Variants in ARID1B observed in about 807,000 individuals in gnomAD.
ARID1B encodes the protein AT-rich interactive domain-containing protein 1B.
A neutral mutation model predicts 212.3 loss-of-function variants in ARID1B; 30 were observed. That is an observed-to-expected ratio of 0.14 (90% CI 0.11 to 0.19). The LOEUF (loss-of-function observed/expected upper bound fraction) is 0.19, where lower values mean the gene tolerates loss of function less well. Among genes scored for constraint, ARID1B ranks in the 10% least tolerant of loss-of-function variants. The pLI is 1.00. For missense variants in ARID1B, 2,891 were observed against 3,204.0 expected (o/e 0.90, Z 2.36); for synonymous variants, 1,402 against 1,301.7 (o/e 1.08, Z -1.66).
intron 2 of ARID1B, among the ~76,000 whole-genome samples, chr6:156,896,967 G>C (rs1788453680): frequency 6.6e-6 from 1 of 152,180 alleles, no homozygotes; most frequent in Admixed American, 6.5e-5. Flanking sequence ...TGAGCAAAAA[G>C]TTCAGGGTAT....
chr6:157,083,901 C>T (rs1246925178), intron 4 of ARID1B, among the ~76,000 whole-genome samples: 3 of 152,010 alleles, frequency 2.0e-5, no homozygotes, highest in African/African-American at 4.8e-5. Context: ...TGGGAGGCTG[C>T]GGCAGGCAGA....
chr6:156,807,770 T>C (rs773941679), intron 1 of ARID1B, among the ~76,000 whole-genome samples: 1 of 152,244 alleles, frequency 6.6e-6, no homozygotes, highest in African/African-American at 2.4e-5. Context: ...GGGTAATTTG[T>C]TGTGTGAGCA....
intron 2 of ARID1B, among the ~76,000 whole-genome samples, chr6:156,880,739 C>CAA (rs141153792): frequency 0.057 from 4,965 of 86,926 alleles, 340 homozygotes; most frequent in Admixed American, 0.11. Flanking sequence ...GACTCTGTCT[C>CAA]AAAAAAAAAA....
intron 4 of ARID1B, among the ~76,000 whole-genome samples, chr6:156,959,362 A>G (rs1794197658): frequency 1.3e-5 from 2 of 152,196 alleles, no homozygotes; most frequent in South Asian, 2.1e-4. Flanking sequence ...AACTAATACA[A>G]TGTAAATGCT....
At chr6:157,126,315 C>A (rs988898854) in intron 6 of ARID1B, among the ~76,000 whole-genome samples, 1 of 152,128 alleles carries the variant, frequency 6.6e-6, no homozygotes, top group Non-Finnish European at 1.5e-5. Flanking sequence ...AGCCTGTGGA[C>A]CCACACAGCG....
chr6:156,947,635 TA>T (rs11352269), intron 4 of ARID1B, among the ~76,000 whole-genome samples: 39,026 of 141,426 alleles, frequency 0.28, 5,237 homozygotes, highest in Admixed American at 0.31. Flanking sequence ...AGGGCTAATT[TA>T]AAAAAAAAAA....
chr6:157,116,964 A>G (rs1787359508), intron 6 of ARID1B, among the ~76,000 whole-genome samples: 1 of 152,232 alleles, frequency 6.6e-6, no homozygotes, highest in Non-Finnish European at 1.5e-5. Flanking sequence ...AATAGATAAC[A>G]AAATTTTGTG....
chr6:157,007,673 T>G (rs1779324313), intron 4 of ARID1B, among the ~76,000 whole-genome samples: 1 of 151,980 alleles, frequency 6.6e-6, no homozygotes, highest in African/African-American at 2.4e-5. Context: ...AACATCAGTG[T>G]TTTTGAAGTT....
upstream of ARID1B, chr6:156,776,501 G>T (rs1280243951): frequency 1.3e-5 from 2 of 152,176 alleles, no homozygotes; most frequent in Non-Finnish European, 2.9e-5. Flanking sequence ...GAAACATGAT[G>T]AAAGGTGTCA....
At chr6:157,060,796 T>A (rs983992056) in intron 4 of ARID1B, among the ~76,000 whole-genome samples, 16 of 152,282 alleles carry the variant, frequency 1.1e-4, no homozygotes, top group African/African-American at 3.8e-4. Context: ...CCCCTGCTAT[T>A]TTTTCCTTCT....
At chr6:157,064,619 G>T (rs1049548043) in intron 4 of ARID1B, among the ~76,000 whole-genome samples, 4 of 152,096 alleles carry the variant, frequency 2.6e-5, no homozygotes, top group Non-Finnish European at 5.9e-5. Context: ...TTCTGGATTC[G>T]CCGAGAACAC....
chr6:156,779,356 G>C lies in ARID1B; in HGVS notation c.1676G>C (p.Gly559Ala), dbSNP rs777545755. The change falls in exon 1 of 20, where the codon GGC (glycine) becomes GCC (alanine). Residue 559 changes from glycine (G) to alanine (A), a missense_variant. Gly to Ala is a moderately conservative substitution (Grantham distance 60). Around this residue, in one of 7 missense-constraint regions of ARID1B, gnomAD observed 1,643 missense variants for 1,544.0 expected, o/e 1.06. Coordinates refer to ENST00000636930, the MANE Select transcript of ARID1B (RefSeq NM_001374828.1). Reference protein sequence around the residue: ...GQQAAAGMGLGKDMGAQYAAA... With the variant: ...GQQAAAGMGLAKDMGAQYAAA... The stretch of plus-strand genomic sequence containing the variant: ...CAGGCGGCCGCGGGCATGGGCTTGG[G>C]CAAGGACATGGGCGCCCAGTACGCC... 51 of 1,273,426 alleles carry C rather than the reference G, an allele frequency of 4.0e-5. 1 individual carries two copies. The South Asian group carries it at 8.7e-4, about 22-fold the overall frequency. The allele number at this position is 1,273,426 out of a possible 1,614,324, so 78.9% of individuals were successfully genotyped here. A position where few individuals can be genotyped will look rare whatever the true frequency, so the allele number is the denominator to read the frequency against.
chr6:156,864,037 T>C (rs1015014314), intron 2 of ARID1B, among the ~76,000 whole-genome samples: 4 of 152,208 alleles, frequency 2.6e-5, no homozygotes, highest in African/African-American at 9.7e-5. Flanking sequence ...CTATAACAGA[T>C]GATTTGTTTT....
At chr6:157,068,572 T>A (rs891963099) in intron 4 of ARID1B, among the ~76,000 whole-genome samples, 2 of 152,268 alleles carry the variant, frequency 1.3e-5, no homozygotes, top group Admixed American at 6.5e-5. Context: ...TCTATCAAAG[T>A]ATATCCTGCT....
chr6:156,907,769 A>C (rs1048998831), intron 3 of ARID1B, among the ~76,000 whole-genome samples: 5 of 151,556 alleles, frequency 3.3e-5, no homozygotes, highest in African/African-American at 1.2e-4. Flanking sequence ...TTAGCCAGGC[A>C]TGTTGGCACA....
chr6:157,199,307 C>T (rs1262828971), intron 17 of ARID1B, among the ~76,000 whole-genome samples: 1 of 151,988 alleles, frequency 6.6e-6, no homozygotes, highest in Non-Finnish European at 1.5e-5. Flanking sequence ...ATATTGTATA[C>T]TAATAGTGAA....
chr6:156,810,924 G>C lies in ARID1B; in HGVS notation c.1792-18303G>C, dbSNP rs576001597. On this transcript the variant is annotated intron_variant, in intron 1 of 19. Transcript: ENST00000636930. The stretch of plus-strand genomic sequence containing the variant: ...CACACATCGATTATGTCAGTTTCTG[G>C]AGGTTAGGAGTCCAGGCATGGCTTA... Among the ~76,000 whole-genome samples, 16 of 152,302 alleles carry C rather than the reference G, an allele frequency of 1.1e-4. No homozygotes were observed. The South Asian group carries it at 2.7e-3, about 26-fold the overall frequency.
intron 3 of ARID1B, among the ~76,000 whole-genome samples, chr6:156,911,685 C>T (rs1010555127): frequency 6.6e-6 from 1 of 152,162 alleles, no homozygotes; most frequent in Non-Finnish European, 1.5e-5. Context: ...GCCTATAACA[C>T]ATTTGTGTTT....
chr6:157,093,111 G>T (rs573245962), intron 5 of ARID1B, among the ~76,000 whole-genome samples: 1 of 152,124 alleles, frequency 6.6e-6, no homozygotes, highest in South Asian at 2.1e-4. Flanking sequence ...TCAGAATGGA[G>T]GGGTACAAAA....
Sources: gnomAD v4.1 joint callset for allele counts (sites outside exome capture counted in the v4.1 genomes callset) on GRCh38, gnomAD v4.1.1 for gene constraint, gnomAD v4.1.1 regional missense constraint, MANE v1.5 for transcripts, NCBI Gene and HGNC (gene_info 2026-07-23, HGNC 2026-07-21) for gene names.